Variants in IL1RAPL2 observed in about 807,000 individuals in gnomAD.
IL1RAPL2 encodes interleukin 1 receptor accessory protein like 2, also known as X-linked interleukin-1 receptor accessory protein-like 2.
In IL1RAPL2, 3 loss-of-function variants were observed where a neutral mutation model predicts 44.1. The observed-to-expected ratio is 0.07, with a 90% CI of 0.03 to 0.18. The LOEUF is 0.18. IL1RAPL2 is among the 10% of genes least tolerant of loss of function. The pLI is 1.00. For missense variants in IL1RAPL2, 391 were observed against 496.4 expected, an observed-to-expected ratio of 0.79 and a Z score of 2.02; for synonymous variants, 181 against 178.8, an observed-to-expected ratio of 1.01 and a Z score of -0.10.
chrX:104,733,526 A>C (rs752289572), intron 2 of IL1RAPL2, among the ~76,000 whole-genome samples: 1 of 109,508 alleles, frequency 9.1e-6, no homozygotes, highest in South Asian at 3.9e-4. Flanking sequence ...AGGCTGAGGC[A>C]GGGGAGTTGC....
intron 2 of IL1RAPL2, among the ~76,000 whole-genome samples, chrX:104,865,896 A>G (rs1031122551): frequency 9.8e-5 from 11 of 112,175 alleles, no homozygotes; most frequent in Non-Finnish European, 1.9e-5. Flanking sequence ...CAGATGGCCT[A>G]TTGTGGGATT....
chrX:104,840,827 A>G (rs1921881450), intron 2 of IL1RAPL2, among the ~76,000 whole-genome samples: 1 of 109,494 alleles, frequency 9.1e-6, no homozygotes, highest in Non-Finnish European at 1.9e-5. Context: ...GGCACATGCT[A>G]CCACACCCAG....
chrX:105,180,344 C>CAAAAAAAAAAAAAA (rs1447517527), intron 2 of IL1RAPL2, among the ~76,000 whole-genome samples: 7 of 100,793 alleles, frequency 6.9e-5, no homozygotes, highest in African/African-American at 2.8e-4. Context: ...TCTCAAAAAA[C>CAAAAAAAAAAAAAA]AAAAACAAAA....
chrX:105,149,433 C>A (rs1292676019), intron 2 of IL1RAPL2, among the ~76,000 whole-genome samples: 1 of 111,937 alleles, frequency 8.9e-6, no homozygotes, highest in Non-Finnish European at 1.9e-5. Flanking sequence ...CTTAACTATT[C>A]TTTGCCTTAG....
intron 5 of IL1RAPL2, among the ~76,000 whole-genome samples, chrX:105,439,282 T>A (rs2035902332): frequency 1.8e-5 from 2 of 111,695 alleles, no homozygotes; most frequent in Non-Finnish European, 3.8e-5. Context: ...GCTTGGCTGT[T>A]GGCTCAGCTC....
intron 2 of IL1RAPL2, among the ~76,000 whole-genome samples, chrX:105,141,100 G>C (rs182254457): frequency 9.0e-6 from 1 of 111,449 alleles, no homozygotes; most frequent in Non-Finnish European, 1.9e-5. Flanking sequence ...CAATGTTTTC[G>C]TTAAAAGAAG....
At chrX:105,010,525 C>T (rs1289609614) in intron 2 of IL1RAPL2, among the ~76,000 whole-genome samples, 1 of 111,585 alleles carries the variant, frequency 9.0e-6, no homozygotes, top group African/African-American at 3.2e-5. Flanking sequence ...CGTAATTGGC[C>T]ATTTCCCCCA....
At chrX:105,481,305 A>G (rs1381319099) in intron 5 of IL1RAPL2, among the ~76,000 whole-genome samples, 1 of 112,471 alleles carries the variant, frequency 8.9e-6, no homozygotes, top group Non-Finnish European at 1.9e-5. Flanking sequence ...AATTGGCCAC[A>G]TTTGTAACTG....
At chrX:105,750,966 A>AG (rs2038592410) in intron 9 of IL1RAPL2, among the ~76,000 whole-genome samples, 1 of 111,389 alleles carries the variant, frequency 9.0e-6, no homozygotes, top group Non-Finnish European at 1.9e-5. Flanking sequence ...AAGATGTATT[A>AG]TCTATGTAAA....
intron 2 of IL1RAPL2, among the ~76,000 whole-genome samples, chrX:105,111,114 T>C (rs145787249): frequency 0.021 from 2,293 of 111,433 alleles, 52 homozygotes; most frequent in African/African-American, 0.071. Flanking sequence ...TAAAATTGTT[T>C]AAAAATGTGG....
chrX:105,178,276 C>T (rs993544639), intron 2 of IL1RAPL2, among the ~76,000 whole-genome samples: 2 of 111,654 alleles, frequency 1.8e-5, no homozygotes, highest in African/African-American at 6.5e-5. Context: ...CCTCCAGTTT[C>T]ATCCATGTTT....
intron 6 of IL1RAPL2, among the ~76,000 whole-genome samples, chrX:105,697,167 G>A (rs2038082741): frequency 9.1e-6 from 1 of 109,958 alleles, no homozygotes; most frequent in Non-Finnish European, 1.9e-5. Flanking sequence ...CTTCATAAGG[G>A]TTCTGTCCTC....
At chrX:104,766,361 C>CCTGG (rs1415130296) in intron 2 of IL1RAPL2, among the ~76,000 whole-genome samples, 1 of 81,676 alleles carries the variant, frequency 1.2e-5, no homozygotes, top group Non-Finnish European at 2.5e-5. Context: ...TGGAATAATT[C>CCTGG]CTGGCTGGCC....
chrX:104,921,556 C>G (rs1031727338), intron 2 of IL1RAPL2, among the ~76,000 whole-genome samples: 15 of 112,415 alleles, frequency 1.3e-4, no homozygotes, highest in African/African-American at 4.8e-4. Context: ...GGCCAGTGAA[C>G]AAATCCGCTG....
At chrX:105,246,047 T>C (rs2147644067) in intron 4 of IL1RAPL2, among the ~76,000 whole-genome samples, 1 of 112,522 alleles carries the variant, frequency 8.9e-6, no homozygotes, top group South Asian at 3.6e-4. Flanking sequence ...GAACTGGGAA[T>C]ACTGAACTGA....
At chrX:105,217,179 G>A (rs1418289051) in intron 3 of IL1RAPL2, among the ~76,000 whole-genome samples, 2 of 107,977 alleles carry the variant, frequency 1.9e-5, no homozygotes, top group Non-Finnish European at 3.8e-5. Flanking sequence ...CTACAGAATG[G>A]GAGAAAATTT....
At chrX:105,138,768 A>C (rs901903644) in intron 2 of IL1RAPL2, among the ~76,000 whole-genome samples, 4 of 111,231 alleles carry the variant, frequency 3.6e-5, no homozygotes, top group Non-Finnish European at 7.5e-5. Flanking sequence ...TGACTTTGTA[A>C]CTTGCAGAAA....
chrX:105,184,609 A>G (rs782485231), intron 2 of IL1RAPL2, among the ~76,000 whole-genome samples: 24 of 110,105 alleles, frequency 2.2e-4, no homozygotes, highest in African/African-American at 7.2e-4. Flanking sequence ...GCATATACCA[A>G]GTATACATAT....
intron 2 of IL1RAPL2, among the ~76,000 whole-genome samples, chrX:105,123,959 A>G (rs756685789): frequency 9.0e-6 from 1 of 111,133 alleles, no homozygotes; most frequent in African/African-American, 3.3e-5. Context: ...GTTTAATGCT[A>G]TAATCCATTA....
Sources: allele counts gnomAD v4.1 joint callset (sites outside exome capture counted in the v4.1 genomes callset), GRCh38; gene constraint gnomAD v4.1.1; transcripts MANE v1.5; gene names NCBI Gene and HGNC (gene_info 2026-07-23, HGNC 2026-07-21).